ADAMTS19: variants seen among roughly 807,000 people sequenced by gnomAD.
ADAMTS19 encodes ADAM metallopeptidase with thrombospondin type 1 motif 19.
A neutral mutation model predicts 153.3 loss-of-function variants in ADAMTS19; 93 were observed. The observed-to-expected ratio is 0.61, with a 90% CI of 0.51 to 0.72. The LOEUF is 0.72. ADAMTS19 is among the 30% of genes least tolerant of loss of function. The probability of loss-of-function intolerance (pLI) is 0.00; values close to 1 mark genes in which losing one functional copy is unlikely to be tolerated. For synonymous variants in ADAMTS19, 600 were observed against 556.6 expected, an observed-to-expected ratio of 1.08 and a Z score of -1.10; for missense variants, 1,482 against 1,552.1, an observed-to-expected ratio of 0.95 and a Z score of 0.76.
intron 10 of ADAMTS19, among the ~76,000 whole-genome samples, chr5:129,630,559 T>G (rs1345871518): frequency 6.6e-6 from 1 of 152,100 alleles, no homozygotes; most frequent in East Asian, 1.9e-4. Flanking sequence ...GACATTCATC[T>G]TTTAAAATTA....
At chr5:129,487,281 G>T (rs17163348) in intron 2 of ADAMTS19, among the ~76,000 whole-genome samples, 3,616 of 152,120 alleles carry the variant, frequency 0.024, 130 homozygotes, top group African/African-American at 0.081. Flanking sequence ...GGCTTAAAAT[G>T]CAGGATGGTA....
intron 7 of ADAMTS19, among the ~76,000 whole-genome samples, chr5:129,592,237 G>A (rs1028947795): frequency 2.5e-4 from 38 of 151,936 alleles, no homozygotes; most frequent in African/African-American, 4.3e-4. Flanking sequence ...CAAATTAGCC[G>A]GGTATGGTGG....
chr5:129,671,294 G>C (rs1754289819), intron 16 of ADAMTS19, among the ~76,000 whole-genome samples: 1 of 152,132 alleles, frequency 6.6e-6, no homozygotes, highest in South Asian at 2.1e-4. Context: ...TGTGAGTGTT[G>C]ATAGAGGATA....
At chr5:129,692,326 T>C (rs558727703) in intron 18 of ADAMTS19, among the ~76,000 whole-genome samples, 1 of 152,260 alleles carries the variant, frequency 6.6e-6, no homozygotes, top group Admixed American at 6.5e-5. Context: ...TCGTGATGCC[T>C]GTTTTCTCCA....
At chr5:129,694,026 T>A (rs996279750) in intron 18 of ADAMTS19, among the ~76,000 whole-genome samples, 1 of 152,222 alleles carries the variant, frequency 6.6e-6, no homozygotes, top group African/African-American at 2.4e-5. Flanking sequence ...CACATGTTTA[T>A]GTGCTTTCAG....
intron 21 of ADAMTS19, among the ~76,000 whole-genome samples, chr5:129,732,738 C>A (rs1351967255): frequency 1.3e-5 from 2 of 151,968 alleles, no homozygotes; most frequent in African/African-American, 4.8e-5. Context: ...ACCATACTAC[C>A]CAAAGCAATC....
At chr5:129,643,380 A>AT (rs1466488629) in intron 11 of ADAMTS19, among the ~76,000 whole-genome samples, 1 of 149,508 alleles carries the variant, frequency 6.7e-6, no homozygotes, top group Non-Finnish European at 1.5e-5. Context: ...AAAAAAAAAA[A>AT]AAAAAAGAAA....
intron 7 of ADAMTS19, among the ~76,000 whole-genome samples, chr5:129,559,174 T>C (rs960090482): frequency 3.9e-5 from 6 of 152,082 alleles, no homozygotes; most frequent in South Asian, 2.1e-4. Context: ...TCAGATATTA[T>C]TGAAGACATT....
chr5:129,576,832 C>G (rs2126874977), intron 7 of ADAMTS19, among the ~76,000 whole-genome samples: 1 of 151,856 alleles, frequency 6.6e-6, no homozygotes, highest in African/African-American at 2.4e-5. Flanking sequence ...TATTGGCTGA[C>G]CTACCTATTC....
At chr5:129,707,500 T>C (rs1221020311) in intron 21 of ADAMTS19, among the ~76,000 whole-genome samples, 1 of 152,248 alleles carries the variant, frequency 6.6e-6, no homozygotes, top group Non-Finnish European at 1.5e-5. Context: ...GTGAATTTTA[T>C]TGGTTTCACC....
At chr5:129,523,862 C>T (rs976676871) in intron 3 of ADAMTS19, among the ~76,000 whole-genome samples, 2 of 152,016 alleles carry the variant, frequency 1.3e-5, no homozygotes, top group African/African-American at 2.4e-5. Flanking sequence ...TAGGAAGAAT[C>T]GATATTGTGA....
rs1271206580 is a variant in ADAMTS19, at chr5:129,737,352, C to G, written c.*134C>G. Reference sequence around the variant, plus strand: ...CAAATTAATTTATTTTTTTGCCTGCCAAACATCCAATGTGGTGCTTGTTTT... The same window carrying G: ...CAAATTAATTTATTTTTTTGCCTGCGAAACATCCAATGTGGTGCTTGTTTT... On this transcript the variant is annotated 3_prime_UTR_variant, in exon 23 of 23. Coordinates refer to ENST00000274487, the MANE Select transcript of ADAMTS19 (RefSeq NM_133638.6). 1.0e-6 allele frequency: 1 copy of G among 955,456 alleles called. No homozygotes were observed. Among genetic ancestry groups the G allele is most frequent in the South Asian group, 3.3e-5 (1 of 30,200 alleles). 59.2% of individuals were successfully genotyped at this position (955,456 alleles called of 1,614,324 possible).
intron 6 of ADAMTS19, among the ~76,000 whole-genome samples, chr5:129,539,058 T>G (rs1752562517): frequency 6.6e-6 from 1 of 152,150 alleles, no homozygotes; most frequent in Non-Finnish European, 1.5e-5. Flanking sequence ...GCTTTTTCAC[T>G]TTACGATTAT....
chr5:129,508,637 G>A (rs1023597318), intron 2 of ADAMTS19, among the ~76,000 whole-genome samples: 4 of 151,930 alleles, frequency 2.6e-5, no homozygotes, highest in African/African-American at 9.7e-5. Flanking sequence ...TCTTGCATTT[G>A]TCTCTTGCAT....
chr5:129,556,888 AG>A (rs1202910249), intron 7 of ADAMTS19, among the ~76,000 whole-genome samples: 2 of 152,190 alleles, frequency 1.3e-5, no homozygotes, highest in African/African-American at 4.8e-5. Flanking sequence ...GATTTTAGCC[AG>A]TGAGGTCTGT....
intron 2 of ADAMTS19, among the ~76,000 whole-genome samples, chr5:129,464,758 C>G (rs753397629): frequency 6.6e-6 from 1 of 152,144 alleles, no homozygotes; most frequent in Non-Finnish European, 1.5e-5. Flanking sequence ...CTGGATCTCT[C>G]TCTATATAAA....
intron 8 of ADAMTS19, among the ~76,000 whole-genome samples, chr5:129,610,441 C>T (rs556928625): frequency 6.6e-6 from 1 of 152,188 alleles, no homozygotes; most frequent in East Asian, 1.9e-4. Context: ...CTTCCCCCCT[C>T]TACCCACCCC....
intron 3 of ADAMTS19, among the ~76,000 whole-genome samples, chr5:129,510,361 G>T (rs1466500005): frequency 1.3e-5 from 2 of 151,560 alleles, no homozygotes; most frequent in African/African-American, 2.4e-5. Context: ...TGTTACTTCT[G>T]TTTTCTTTTG....
At chr5:129,468,466 G>T (rs1483628848) in intron 2 of ADAMTS19, among the ~76,000 whole-genome samples, 3 of 152,066 alleles carry the variant, frequency 2.0e-5, no homozygotes, top group African/African-American at 7.2e-5. Context: ...CAATTCTCCT[G>T]CCTCAGCCTC....
Sources: allele counts gnomAD v4.1 joint callset (sites outside exome capture counted in the v4.1 genomes callset), GRCh38; gene constraint gnomAD v4.1.1; transcripts MANE v1.5; gene names NCBI Gene and HGNC (gene_info 2026-07-23, HGNC 2026-07-21).